The following CCDC73 variants were observed in gnomAD, a reference collection of about 807,000 sequenced individuals.
The protein encoded by CCDC73 is coiled-coil domain-containing protein 73.
In CCDC73, 95 loss-of-function variants were observed where a neutral mutation model predicts 116.5. That is an observed-to-expected ratio of 0.82 (90% CI 0.69 to 0.97). CCDC73 has a LOEUF of 0.97. Ranked by LOEUF, CCDC73 falls within the 50% of genes least tolerant of loss-of-function variation. The pLI is 0.00. For synonymous variants in CCDC73, 398 were observed against 401.3 expected (o/e 0.99, Z 0.10); for missense variants, 1,066 against 1,206.8 (o/e 0.88, Z 1.73).
chr11:32,757,768 C>A (rs1164740968), intron 2 of CCDC73, among the ~76,000 whole-genome samples: 1 of 152,202 alleles, frequency 6.6e-6, no homozygotes, highest in African/African-American at 2.4e-5. Context: ...ACATCTCTTT[C>A]TCAGACTCTG....
At chr11:32,741,367 T>C (rs1850184335) in intron 2 of CCDC73, among the ~76,000 whole-genome samples, 2 of 152,158 alleles carry the variant, frequency 1.3e-5, no homozygotes, top group Admixed American at 6.6e-5. Flanking sequence ...TTAATGCATA[T>C]ATTTTTACAA....
chr11:32,685,662 T>C (rs1285845486), intron 6 of CCDC73, among the ~76,000 whole-genome samples: 2 of 150,636 alleles, frequency 1.3e-5, no homozygotes, highest in African/African-American at 2.4e-5. Flanking sequence ...TTACAACTAA[T>C]GAGATGGAAA....
rs1478997226 is a variant in CCDC73 at position 32,750,792 on chromosome 11, G to A, written c.135+9317C>T. Among the ~76,000 whole-genome samples the A allele has an allele frequency of 4.6e-5, 7 of 152,182 alleles. No homozygotes were observed. In the East Asian group the frequency reaches 1.2e-3, roughly 25 times the overall value. ...AATTGGGAACCCCTAGAGCCCACTT[G>A]GTGCTCTTCCCCACTGTAGCCAAGC... On this transcript the variant is annotated intron_variant, in intron 2 of 17. Transcript: ENST00000335185.
chr11:32,700,012 C>G lies in CCDC73; in HGVS notation c.316-687G>C, dbSNP rs527553973. On this transcript the variant is annotated intron_variant, in intron 5 of 17. Transcript: ENST00000335185. ...TTCAAAATATAAAATTATAATAAGG[C>G]CTTTATATGGTTACAATTATCATGA... 1.3e-4 allele frequency among the ~76,000 whole-genome samples: 20 copies of G among 151,148 alleles called. No individual in the cohort carries two copies. The East Asian group carries it at 3.7e-3, about 28-fold the overall frequency.
At chr11:32,745,574 C>T (rs547277997) in intron 2 of CCDC73, among the ~76,000 whole-genome samples, 1 of 152,244 alleles carries the variant, frequency 6.6e-6, no homozygotes, top group Admixed American at 6.5e-5. Flanking sequence ...GTTTATGAAT[C>T]TGGGTGCTCC....
chr11:32,742,580 C>T (rs1590625036), intron 2 of CCDC73, among the ~76,000 whole-genome samples: 1 of 152,098 alleles, frequency 6.6e-6, no homozygotes, highest in African/African-American at 2.4e-5. Context: ...GAGTAGATTG[C>T]AAAAATTTTC....
intron 14 of CCDC73, among the ~76,000 whole-genome samples, chr11:32,633,100 C>T (rs1417637194): frequency 6.6e-6 from 1 of 152,156 alleles, no homozygotes; most frequent in African/African-American, 2.4e-5. Flanking sequence ...TGTTGCCAGG[C>T]TGGAGTGCAG....
intron 9 of CCDC73, 113 bp from the exon 10 acceptor site, chr11:32,655,085 A>ATCAAG: frequency 1.6e-5 from 2 of 122,486 alleles, no homozygotes; most frequent in South Asian, 1.4e-4. Context: ...AATTTGTTAT[A>ATCAAG]ATTCCCTTGC....
At chr11:32,696,781 C>T (rs553023418) in intron 6 of CCDC73, among the ~76,000 whole-genome samples, 1 of 151,962 alleles carries the variant, frequency 6.6e-6, no homozygotes, top group East Asian at 1.9e-4. Flanking sequence ...TTTTAACTTG[C>T]TTTATATCTT....
chr11:32,725,379 A>T (rs1372709931), intron 2 of CCDC73, among the ~76,000 whole-genome samples: 2 of 152,176 alleles, frequency 1.3e-5, no homozygotes, highest in African/African-American at 4.8e-5. Flanking sequence ...CGGGAAAAAC[A>T]GTACATATTG....
chr11:32,777,018 TA>T (rs1372025677), intron 1 of CCDC73, among the ~76,000 whole-genome samples: 4 of 129,866 alleles, frequency 3.1e-5, no homozygotes, highest in Non-Finnish European at 6.4e-5. Context: ...TATATATATA[TA>T]TATAATTGAA....
chr11:32,783,428 G>A (rs187334551), intron 1 of CCDC73, among the ~76,000 whole-genome samples: 8 of 152,214 alleles, frequency 5.3e-5, no homozygotes, highest in African/African-American at 1.4e-4. Flanking sequence ...AGGAAACAGC[G>A]GATCCTTGTC....
intron 12 of CCDC73, among the ~76,000 whole-genome samples, chr11:32,647,075 T>G (rs1000859197): frequency 6.6e-6 from 1 of 152,320 alleles, no homozygotes; most frequent in South Asian, 2.1e-4. Flanking sequence ...TGTCTGTTTT[T>G]CATATTGGAG....
chr11:32,648,428 GA>G (rs1225971767), intron 12 of CCDC73, among the ~76,000 whole-genome samples: 41 of 152,256 alleles, frequency 2.7e-4, no homozygotes, highest in Non-Finnish European at 5.9e-5. Context: ...GAAAGACTAT[GA>G]GTTTATTCAT....
chr11:32,817,028 G>A, the CCDC73 span, among the ~76,000 whole-genome samples: 4 of 152,186 alleles, frequency 2.6e-5, no homozygotes, highest in Non-Finnish European at 2.9e-5. Flanking sequence ...CAAGTGATCC[G>A]CCTGCCTCTG....
intron 6 of CCDC73, among the ~76,000 whole-genome samples, chr11:32,694,476 A>T (rs1302097872): frequency 1.3e-5 from 2 of 152,190 alleles, no homozygotes; most frequent in Non-Finnish European, 2.9e-5. Context: ...GAATAGCATT[A>T]GGAGAAATAC....
chr11:32,731,141 C>T (rs766405521), intron 2 of CCDC73, among the ~76,000 whole-genome samples: 7 of 152,214 alleles, frequency 4.6e-5, no homozygotes, highest in African/African-American at 1.4e-4. Flanking sequence ...GCACCTGGCT[C>T]GGAGGGTCCC....
chr11:32,819,893 C>T, the CCDC73 span, among the ~76,000 whole-genome samples: 1 of 151,978 alleles, frequency 6.6e-6, no homozygotes, highest in African/African-American at 2.4e-5. Context: ...CATTTGATAA[C>T]CTGTATAATA....
chr11:32,692,704 G>T (rs553881306), intron 6 of CCDC73, among the ~76,000 whole-genome samples: 2 of 152,176 alleles, frequency 1.3e-5, no homozygotes. Context: ...ATTATCCAGG[G>T]TAGAGAATGC....
Sources: allele counts gnomAD v4.1 joint callset (sites outside exome capture counted in the v4.1 genomes callset), GRCh38; gene constraint gnomAD v4.1.1; transcripts MANE v1.5; gene names NCBI Gene and HGNC (gene_info 2026-07-23, HGNC 2026-07-21).